Variants in SH3RF3 observed in about 807,000 individuals in gnomAD.
The protein encoded by SH3RF3 is E3 ubiquitin-protein ligase SH3RF3.
Under a neutral mutation model 66.3 loss-of-function variants are expected in SH3RF3, and 29 were observed. That is an observed-to-expected ratio of 0.44 (90% CI 0.33 to 0.60). The LOEUF (loss-of-function observed/expected upper bound fraction) is 0.60, where lower values mean the gene tolerates loss of function less well. SH3RF3 is among the 20% of genes least tolerant of loss of function. The pLI, the probability that SH3RF3 is intolerant of heterozygous loss-of-function variation, is 0.04. For missense variants in SH3RF3, 1,194 were observed against 1,190.9 expected, an observed-to-expected ratio of 1.00 and a Z score of -0.04; for synonymous variants, 583 against 532.0, an observed-to-expected ratio of 1.10 and a Z score of -1.32.
At chr2:109,456,828 C>G (rs1213812772) in intron 8 of SH3RF3, among the ~76,000 whole-genome samples, 1 of 152,232 alleles carries the variant, frequency 6.6e-6, no homozygotes, top group African/African-American at 2.4e-5. Flanking sequence ...CAAGTGCCCA[C>G]TCCCCATTCT....
chr2:109,342,373 T>C (rs60116632), intron 1 of SH3RF3, among the ~76,000 whole-genome samples: 4,268 of 152,264 alleles, frequency 0.028, 109 homozygotes, highest in African/African-American at 0.07. Context: ...TCAGTAGATA[T>C]ATGGAGCGTA....
chr2:109,168,153 A>G lies in SH3RF3; in HGVS notation c.573+38040A>G, dbSNP rs531231055. ...TGTTAGGCTTAAATTGTGTGCTTTCAGGAAGCCAAAACAGCAATGAAGACT... is the reference window on the plus strand; with the variant it reads ...TGTTAGGCTTAAATTGTGTGCTTTCGGGAAGCCAAAACAGCAATGAAGACT... On this transcript the variant is annotated intron_variant, in intron 1 of 9. Transcript: ENST00000309415. 2.6e-5 allele frequency among the ~76,000 whole-genome samples: 4 copies of G among 152,334 alleles called. No homozygotes were observed. In the East Asian group the frequency reaches 7.7e-4, roughly 29 times the overall value.
At chr2:109,340,910 A>G (rs544041030) in intron 1 of SH3RF3, among the ~76,000 whole-genome samples, 197 of 152,284 alleles carry the variant, frequency 1.3e-3, no homozygotes, top group Non-Finnish European at 2.3e-3. Context: ...AAAGGAAGAA[A>G]AAAAAAATTT....
At chr2:109,149,716 C>G (rs747979798) in intron 1 of SH3RF3, among the ~76,000 whole-genome samples, 3 of 152,184 alleles carry the variant, frequency 2.0e-5, no homozygotes, top group Non-Finnish European at 4.4e-5. Context: ...GTGGTGCTTA[C>G]GTTCTAATTG....
At chr2:109,400,572 TGC>T (rs756692550) in intron 4 of SH3RF3, among the ~76,000 whole-genome samples, 4,865 of 111,466 alleles carry the variant, frequency 0.044, 254 homozygotes, top group African/African-American at 0.13. Flanking sequence ...TACACACCTG[TGC>T]GCACACACAC....
intron 4 of SH3RF3, 22 bp from the exon 5 acceptor site, chr2:109,419,517 G>C: frequency 1.3e-6 from 2 of 1,573,346 alleles, no homozygotes; most frequent in Non-Finnish European, 1.7e-6. Flanking sequence ...CCTCACTCCT[G>C]TCCCCTCTTG....
chr2:109,259,572 C>T lies in SH3RF3; in HGVS notation c.574-88102C>T, dbSNP rs193097527. 2.0e-5 allele frequency among the ~76,000 whole-genome samples: 3 copies of T among 152,318 alleles called. No individual in the cohort carries two copies. In the East Asian group the frequency reaches 5.8e-4, roughly 29 times the overall value. On this transcript the variant is annotated intron_variant, in intron 1 of 9. Coordinates refer to ENST00000309415, the MANE Select transcript of SH3RF3 (RefSeq NM_001099289.3). Reference sequence around the variant, plus strand: ...AAGAGGCTTGTTTTGTTATTTTCTTCCACAATGCCCTGGAGTTACCATGTT... The same window carrying T: ...AAGAGGCTTGTTTTGTTATTTTCTTTCACAATGCCCTGGAGTTACCATGTT...
intron 2 of SH3RF3, among the ~76,000 whole-genome samples, chr2:109,367,028 A>G (rs1056849592): frequency 6.6e-6 from 1 of 151,614 alleles, no homozygotes; most frequent in Non-Finnish European, 1.5e-5. Flanking sequence ...ATCTTGGTTC[A>G]CTGCAACTTT....
At chr2:109,135,881 A>C (rs1006414900) in intron 1 of SH3RF3, among the ~76,000 whole-genome samples, 1 of 152,124 alleles carries the variant, frequency 6.6e-6, no homozygotes, top group Admixed American at 6.5e-5. Context: ...AAAGGGAAAA[A>C]ACGTCTAAGC....
intron 1 of SH3RF3, among the ~76,000 whole-genome samples, chr2:109,340,255 G>A (rs548651036): frequency 6.6e-6 from 1 of 152,270 alleles, no homozygotes; most frequent in African/African-American, 2.4e-5. Flanking sequence ...TATCGGTAAA[G>A]TGCAGATAAT....
chr2:109,270,850 G>A (rs1680608937), intron 1 of SH3RF3, among the ~76,000 whole-genome samples: 1 of 152,250 alleles, frequency 6.6e-6, no homozygotes, highest in Admixed American at 6.5e-5. Context: ...TTGGTAGGAT[G>A]GAGTGGCCAG....
At chr2:109,498,743 C>T (rs1023367980) in intron 9 of SH3RF3, among the ~76,000 whole-genome samples, 3 of 152,166 alleles carry the variant, frequency 2.0e-5, no homozygotes, top group African/African-American at 7.2e-5. Flanking sequence ...TGCAGTAATC[C>T]CTGTGGCGAT....
At chr2:109,211,391 A>C (rs1432211383) in intron 1 of SH3RF3, among the ~76,000 whole-genome samples, 1 of 152,220 alleles carries the variant, frequency 6.6e-6, no homozygotes, top group Non-Finnish European at 1.5e-5. Flanking sequence ...CTAAATCAGG[A>C]GGTGTTATAA....
chr2:109,345,988 G>A (rs1682685732), intron 1 of SH3RF3, among the ~76,000 whole-genome samples: 1 of 152,222 alleles, frequency 6.6e-6, no homozygotes, highest in African/African-American at 2.4e-5. Flanking sequence ...CCTGGCTGGC[G>A]GCTGAGTGGC....
chr2:109,163,987 C>T (rs1677556947), intron 1 of SH3RF3, among the ~76,000 whole-genome samples: 3 of 152,176 alleles, frequency 2.0e-5, no homozygotes, highest in Admixed American at 2.0e-4. Flanking sequence ...CTTCCCCCTA[C>T]ATCCTCTCCA....
chr2:109,210,909 C>G (rs947403883), intron 1 of SH3RF3, among the ~76,000 whole-genome samples: 5 of 152,194 alleles, frequency 3.3e-5, no homozygotes, highest in Non-Finnish European at 7.4e-5. Context: ...CCACTTGACA[C>G]GTGGTGGAAT....
chr2:109,142,042 C>CT (rs1676964118), intron 1 of SH3RF3, among the ~76,000 whole-genome samples: 1 of 112,886 alleles, frequency 8.9e-6, no homozygotes, highest in Non-Finnish European at 2.2e-5. Context: ...CTTGAGTCTC[C>CT]TGGGGGGGGG....
intron 1 of SH3RF3, among the ~76,000 whole-genome samples, chr2:109,235,069 G>C (rs1679611944): frequency 6.6e-6 from 1 of 152,216 alleles, no homozygotes; most frequent in African/African-American, 2.4e-5. Flanking sequence ...CCTTTATGGT[G>C]AGGCAGAGCT....
At chr2:109,187,783 G>A (rs1015248063) in intron 1 of SH3RF3, among the ~76,000 whole-genome samples, 1 of 152,196 alleles carries the variant, frequency 6.6e-6, no homozygotes, top group East Asian at 1.9e-4. Flanking sequence ...ACACAGGTGG[G>A]CTTGCTTCCG....
Sources: gnomAD v4.1 joint callset for allele counts (sites outside exome capture counted in the v4.1 genomes callset) on GRCh38, gnomAD v4.1.1 for gene constraint, MANE v1.5 for transcripts, NCBI Gene and HGNC (gene_info 2026-07-23, HGNC 2026-07-21) for gene names.